SPOCK1: variants seen among roughly 807,000 people sequenced by gnomAD.
The protein encoded by SPOCK1 is SPARC (osteonectin), cwcv and kazal like domains proteoglycan 1, also known as testican-1.
SPOCK1 carries 23 observed loss-of-function variants against 55.3 expected under a neutral mutation model. The ratio of observed to expected loss-of-function variants is 0.42; its 90% CI spans 0.30 to 0.59. The LOEUF (loss-of-function observed/expected upper bound fraction) is 0.59. Among genes scored for constraint, SPOCK1 ranks in the 20% least tolerant of loss-of-function variants. SPOCK1 has a pLI of 0.22. For synonymous variants in SPOCK1, 226 were observed against 221.0 expected (o/e 1.02, Z -0.20); for missense variants, 499 against 552.5 (o/e 0.90, Z 0.97).
intron 3 of SPOCK1, among the ~76,000 whole-genome samples, chr5:137,197,368 G>A (rs1580802656): frequency 1.3e-5 from 2 of 152,168 alleles, no homozygotes; most frequent in African/African-American, 4.8e-5. Flanking sequence ...TTGAAAGGAA[G>A]CAGAACTATG....
intron 2 of SPOCK1, among the ~76,000 whole-genome samples, chr5:137,472,391 C>G (rs72798528): frequency 0.024 from 3,594 of 151,840 alleles, 67 homozygotes; most frequent in Non-Finnish European, 0.032. Context: ...AAAAAAAAAG[C>G]TCAGTGCAAA....
At chr5:136,986,616 C>T (rs1247862926) in intron 8 of SPOCK1, among the ~76,000 whole-genome samples, 1 of 151,938 alleles carries the variant, frequency 6.6e-6, no homozygotes, top group Non-Finnish European at 1.5e-5. Flanking sequence ...ACCAGAATAA[C>T]TTAGAAACAA....
intron 2 of SPOCK1, among the ~76,000 whole-genome samples, chr5:137,361,353 G>A (rs1158304442): frequency 6.6e-6 from 1 of 152,192 alleles, no homozygotes; most frequent in East Asian, 1.9e-4. Context: ...GCTCTGTAAT[G>A]GGAGAGATAA....
chr5:137,230,189 GTTGTAGTCTC>G (rs1756024815), intron 3 of SPOCK1, among the ~76,000 whole-genome samples: 1 of 152,222 alleles, frequency 6.6e-6, no homozygotes, highest in Admixed American at 6.5e-5. Flanking sequence ...TGCATGCTTG[GTTGTAGTCTC>G]TTGGGTAGCT....
intron 2 of SPOCK1, among the ~76,000 whole-genome samples, chr5:137,394,547 G>A (rs1339237753): frequency 1.3e-5 from 2 of 152,300 alleles, no homozygotes; most frequent in Admixed American, 6.5e-5. Context: ...ATCAGCATTA[G>A]TGCTGGTGAC....
At chr5:137,292,233 A>C (rs1397738063) in intron 2 of SPOCK1, among the ~76,000 whole-genome samples, 1 of 152,070 alleles carries the variant, frequency 6.6e-6, no homozygotes, top group Non-Finnish European at 1.5e-5. Context: ...ATGAGGGATG[A>C]GGAAGGAATA....
chr5:137,041,209 A>T (rs1230405386), intron 6 of SPOCK1, among the ~76,000 whole-genome samples: 1 of 152,142 alleles, frequency 6.6e-6, no homozygotes, highest in African/African-American at 2.4e-5. Context: ...GATTTTTTTT[A>T]AAGGCACAAA....
intron 2 of SPOCK1, among the ~76,000 whole-genome samples, chr5:137,444,315 C>T (rs1753077668): frequency 6.6e-6 from 1 of 152,216 alleles, no homozygotes; most frequent in Non-Finnish European, 1.5e-5. Flanking sequence ...AGCACCCTGG[C>T]TCCTCCACTC....
At chr5:137,292,279 G>A (rs914349952) in intron 2 of SPOCK1, among the ~76,000 whole-genome samples, 1 of 152,038 alleles carries the variant, frequency 6.6e-6, no homozygotes, top group Admixed American at 6.6e-5. Context: ...TAAAGGGGGT[G>A]AAGCTGAACA....
intron 5 of SPOCK1, among the ~76,000 whole-genome samples, chr5:137,080,915 T>G (rs1362792771): frequency 6.6e-6 from 1 of 152,210 alleles, no homozygotes; most frequent in African/African-American, 2.4e-5. Context: ...GATCTATAAC[T>G]GCTACAAAGC....
chr5:137,075,154 G>A (rs371717102), intron 5 of SPOCK1, among the ~76,000 whole-genome samples: 10 of 152,180 alleles, frequency 6.6e-5, no homozygotes, highest in East Asian at 1.9e-4. Flanking sequence ...TCTTAATGAC[G>A]GGTATACAGC....
At position 137,316,856 on chromosome 5, in the gene SPOCK1, C is replaced by G. The variant is rs1740766273; in HGVS notation, c.187-49801G>C. The stretch of plus-strand genomic sequence containing the variant: ...GTTAGAATAACACCATTTCTGTGTT[C>G]AGCGTGGGCCCGCTCTGTGCCCACT... On this transcript the variant is annotated intron_variant, in intron 2 of 10. Transcript: ENST00000394945. Among the ~76,000 whole-genome samples, 5 of 152,176 alleles carry G rather than the reference C, an allele frequency of 3.3e-5. No individual in the cohort carries two copies. The South Asian group carries it at 8.3e-4, about 25-fold the overall frequency.
intron 2 of SPOCK1, among the ~76,000 whole-genome samples, chr5:137,311,940 G>A (rs1321092380): frequency 6.6e-6 from 1 of 152,136 alleles, no homozygotes; most frequent in Non-Finnish European, 1.5e-5. Context: ...GTATGCCTGT[G>A]CCCTAATTTA....
chr5:137,391,065 AC>A (rs1302100975), intron 2 of SPOCK1, among the ~76,000 whole-genome samples: 1 of 151,332 alleles, frequency 6.6e-6, no homozygotes, highest in Non-Finnish European at 1.5e-5. Context: ...CTTGCCCCCA[AC>A]CCCCCAAGAG....
rs527805476 is a variant in SPOCK1, at chr5:137,431,199, CA to C, written c.186+67173del. Among the ~76,000 whole-genome samples, 20 of 152,296 alleles carry C rather than the reference CA, an allele frequency of 1.3e-4. No individual in the cohort carries two copies. The East Asian group carries it at 3.9e-3, about 29-fold the overall frequency. ...CAGACTAGTTATTAAGTAAGAAAAA[CA>C]AACTCCTCATTCTTTAAATCAGTGT... On this transcript the variant is annotated intron_variant, in intron 2 of 10. Transcript: ENST00000394945.
At chr5:137,128,198 A>C (rs942329560) in intron 4 of SPOCK1, among the ~76,000 whole-genome samples, 2 of 152,220 alleles carry the variant, frequency 1.3e-5, no homozygotes, top group Admixed American at 1.3e-4. Flanking sequence ...AACAGGAAGT[A>C]GGTCCTCACC....
At chr5:137,309,381 G>A (rs549540489) in intron 2 of SPOCK1, among the ~76,000 whole-genome samples, 4 of 152,110 alleles carry the variant, frequency 2.6e-5, no homozygotes, top group Admixed American at 6.5e-5. Context: ...CCTCTTGGCC[G>A]CCCCAGCCTG....
chr5:137,294,676 A>G (rs1757444108), intron 2 of SPOCK1, among the ~76,000 whole-genome samples: 1 of 152,152 alleles, frequency 6.6e-6, no homozygotes, highest in Non-Finnish European at 1.5e-5. Context: ...AGAGAAGGGA[A>G]GATGTTCCAG....
At chr5:137,489,934 C>T (rs1204613822) in intron 2 of SPOCK1, among the ~76,000 whole-genome samples, 1 of 152,254 alleles carries the variant, frequency 6.6e-6, no homozygotes, top group Non-Finnish European at 1.5e-5. Context: ...CCTCCTCCCT[C>T]TTCCCATGAC....
Sources: gnomAD v4.1 joint callset for allele counts (sites outside exome capture counted in the v4.1 genomes callset) on GRCh38, gnomAD v4.1.1 for gene constraint, MANE v1.5 for transcripts, NCBI Gene and HGNC (gene_info 2026-07-23, HGNC 2026-07-21) for gene names.